MAML3: variants seen among roughly 807,000 people sequenced by gnomAD.
MAML3 encodes the protein mastermind like transcriptional coactivator 3.
In MAML3, 27 loss-of-function variants were observed where a neutral mutation model predicts 101.9. That is an observed-to-expected ratio of 0.27 (90% confidence interval 0.20 to 0.37). The LOEUF (loss-of-function observed/expected upper bound fraction) is 0.37. Among genes scored for constraint, MAML3 ranks in the 10% least tolerant of loss-of-function variants. MAML3 has a pLI of 1.00. For missense variants in MAML3, 1,316 were observed against 1,444.9 expected (o/e 0.91, Z 1.45); for synonymous variants, 501 against 555.9 (o/e 0.90, Z 1.39).
intron 1 of MAML3, among the ~76,000 whole-genome samples, chr4:140,018,347 G>A (rs1376499295): frequency 1.3e-5 from 2 of 152,104 alleles, no homozygotes; most frequent in Non-Finnish European, 2.9e-5. Flanking sequence ...ATCTACTCAT[G>A]GAAAGATCAA....
intron 1 of MAML3, among the ~76,000 whole-genome samples, chr4:140,025,772 C>T (rs946386329): frequency 1.9e-4 from 29 of 152,160 alleles, no homozygotes; most frequent in African/African-American, 5.5e-4. Flanking sequence ...TCCTTCTACC[C>T]AATGCTCTCA....
At chr4:139,857,420 C>T (rs1181162147) in intron 2 of MAML3, among the ~76,000 whole-genome samples, 1 of 151,998 alleles carries the variant, frequency 6.6e-6, no homozygotes, top group African/African-American at 2.4e-5. Context: ...GATCTAGTGA[C>T]TTTGGATTTT....
chr4:139,758,243 C>T (rs1578586608), intron 2 of MAML3, among the ~76,000 whole-genome samples: 2 of 152,274 alleles, frequency 1.3e-5, no homozygotes, highest in African/African-American at 4.8e-5. Flanking sequence ...GTCTGCATTT[C>T]CTGAGGCTCC....
chr4:140,087,365 C>G (rs1727970492), intron 1 of MAML3, among the ~76,000 whole-genome samples: 1 of 152,166 alleles, frequency 6.6e-6, no homozygotes, highest in African/African-American at 2.4e-5. Context: ...TCTTACGAAG[C>G]AATATTTGCC....
intron 2 of MAML3, among the ~76,000 whole-genome samples, chr4:139,876,708 G>A (rs1481104588): frequency 6.6e-6 from 1 of 152,232 alleles, no homozygotes; most frequent in Non-Finnish European, 1.5e-5. Context: ...GGCTGCCACC[G>A]ATGGCTGTGC....
intron 1 of MAML3, among the ~76,000 whole-genome samples, chr4:140,068,261 T>C (rs1727573098): frequency 6.6e-6 from 1 of 152,114 alleles, no homozygotes; most frequent in African/African-American, 2.4e-5. Context: ...ATCTTTGCAT[T>C]CTCTATAATC....
chr4:139,976,924 G>GTACTA (rs1257442440), intron 1 of MAML3, among the ~76,000 whole-genome samples: 1 of 151,822 alleles, frequency 6.6e-6, no homozygotes, highest in African/African-American at 2.4e-5. Context: ...AGAGGCCCAG[G>GTACTA]TACTATGGTC....
chr4:140,097,291 A>G (rs1008893313), intron 1 of MAML3, among the ~76,000 whole-genome samples: 1 of 152,148 alleles, frequency 6.6e-6, no homozygotes, highest in African/African-American at 2.4e-5. Context: ...TGGTCTTGAT[A>G]ACCCACTCTC....
intron 1 of MAML3, among the ~76,000 whole-genome samples, chr4:140,125,077 A>T (rs893753903): frequency 1.3e-5 from 2 of 152,192 alleles, no homozygotes; most frequent in Non-Finnish European, 2.9e-5. Context: ...ATTAAGCCCA[A>T]CTTTAGCTTA....
At chr4:139,863,062 G>A (rs10030657) in intron 2 of MAML3, among the ~76,000 whole-genome samples, 82,532 of 150,328 alleles carry the variant, frequency 0.55, 25,435 homozygotes, top group African/African-American at 0.83. Context: ...AGGCAGGAAA[G>A]TCGCTTGAAC....
chr4:140,001,871 T>C (rs184531575), intron 1 of MAML3, among the ~76,000 whole-genome samples: 8 of 152,354 alleles, frequency 5.3e-5, no homozygotes, highest in Admixed American at 5.2e-4. Context: ...CAGAGACTAC[T>C]ATGCTTTTTT....
At chr4:139,804,737 G>A (rs1730675086) in intron 2 of MAML3, among the ~76,000 whole-genome samples, 1 of 152,108 alleles carries the variant, frequency 6.6e-6, no homozygotes. Flanking sequence ...TTAAGTAGTA[G>A]GACACTATTT....
chr4:139,794,378 T>A (rs1434504907), intron 2 of MAML3: 1 of 152,158 alleles, frequency 6.6e-6, no homozygotes, highest in Non-Finnish European at 1.5e-5. Context: ...ATCAGTAAAA[T>A]CAACCCAGGC....
intron 1 of MAML3, among the ~76,000 whole-genome samples, chr4:140,150,370 C>A (rs183814176): frequency 1.3e-5 from 2 of 152,164 alleles, no homozygotes; most frequent in Non-Finnish European, 2.9e-5. Flanking sequence ...ACAAACCAGG[C>A]GCGCGCACCC....
intron 4 of MAML3, 131 bp from the exon 5 acceptor site, chr4:139,720,454 G>T: frequency 2.5e-6 from 2 of 808,668 alleles, no homozygotes; most frequent in East Asian, 2.9e-5. Context: ...TAATAAATCT[G>T]TAACAAAAAT....
At chr4:139,923,829 G>A (rs1733173736) in intron 1 of MAML3, among the ~76,000 whole-genome samples, 2 of 152,150 alleles carry the variant, frequency 1.3e-5, no homozygotes, top group South Asian at 2.1e-4. Context: ...TTGTCTAGGG[G>A]AAAAAAGCTA....
intron 2 of MAML3, among the ~76,000 whole-genome samples, chr4:139,742,784 T>C (rs1729209054): frequency 1.3e-5 from 2 of 152,184 alleles, no homozygotes; most frequent in Admixed American, 1.3e-4. Flanking sequence ...CACAGTATAA[T>C]TGCCCTTGGG....
chr4:140,071,004 A>T lies in MAML3; in HGVS notation c.468+81856T>A, dbSNP rs1183176055. Among the ~76,000 whole-genome samples the T allele has an allele frequency of 6.6e-5, 10 of 152,310 alleles. No individual in the cohort carries two copies. The East Asian group carries it at 1.5e-3, about 24-fold the overall frequency. On this transcript the variant is annotated intron_variant, in intron 1 of 4. Coordinates refer to ENST00000509479, the MANE Select transcript of MAML3 (RefSeq NM_018717.5). Reference sequence around the variant, plus strand: ...CACTGCCAAACTTCCCACAGCAGATAATAATGTGCCACCTAAGGAGGAAGG... The same window carrying T: ...CACTGCCAAACTTCCCACAGCAGATTATAATGTGCCACCTAAGGAGGAAGG...
intron 2 of MAML3, among the ~76,000 whole-genome samples, chr4:139,832,644 G>A (rs1731188816): frequency 6.6e-6 from 1 of 152,202 alleles, no homozygotes. Flanking sequence ...AACAGGAATT[G>A]TGCCTGGTGC....
Sources: allele counts gnomAD v4.1 joint callset (sites outside exome capture counted in the v4.1 genomes callset), GRCh38; gene constraint gnomAD v4.1.1; transcripts MANE v1.5; gene names NCBI Gene and HGNC (gene_info 2026-07-23, HGNC 2026-07-21).